Variants in TTC6 observed in about 807,000 individuals in gnomAD.
The protein encoded by TTC6 is tetratricopeptide repeat protein 6.
In TTC6, 172 loss-of-function variants were observed where a neutral mutation model predicts 210.4. The ratio of observed to expected loss-of-function variants is 0.82; its 90% CI spans 0.72 to 0.93. The LOEUF (loss-of-function observed/expected upper bound fraction) is 0.93. TTC6 is among the 40% of genes least tolerant of loss of function. The probability of loss-of-function intolerance (pLI) is 0.00; values close to 1 mark genes in which losing one functional copy is unlikely to be tolerated. For synonymous variants in TTC6, 804 were observed against 819.6 expected (o/e 0.98, Z 0.32); for missense variants, 2,414 against 2,318.1 (o/e 1.04, Z -0.85).
chr14:37,704,372 A>G (rs947677987), intron 5 of TTC6, among the ~76,000 whole-genome samples: 6 of 152,134 alleles, frequency 3.9e-5, no homozygotes, highest in Non-Finnish European at 7.4e-5. Flanking sequence ...TACTATTATA[A>G]CCAAGCTATG....
chr14:37,753,157 G>A (rs2139047814), exon 14 of TTC6: 1 of 1,534,988 alleles, frequency 6.5e-7, no homozygotes, highest in Non-Finnish European at 8.7e-7. Flanking sequence ...CTGTTTTATT[G>A]TGAAAATGAA....
In TTC6 at chr14:37,804,913, C is replaced by T. The variant is rs185315672; in HGVS notation, c.4164+99C>T. 2.5e-4 allele frequency: 327 copies of T among 1,305,714 alleles called. 1 individual carries two copies. The highest frequency in any genetic ancestry group is 2.4e-3 in the East Asian group (104 of 42,986). The allele number at this position is 1,305,714 out of a possible 1,614,324, so 80.9% of individuals were successfully genotyped here. On this transcript the variant is annotated intron_variant, in intron 21 of 30. Coordinates refer to ENST00000553443, the Ensembl canonical transcript of TTC6. ...GAAGGCCACCTATACAGTGGGCAAC[C>T]GGTCCAAAGCTGCTTATGAAGCTTG...
intron 26 of TTC6, among the ~76,000 whole-genome samples, chr14:37,818,522 A>C (rs550856453): frequency 3.6e-4 from 54 of 151,688 alleles, no homozygotes; most frequent in Non-Finnish European, 6.3e-4. Context: ...ATAGTTCCAA[A>C]TTATGTAGAC....
rs1303925566 is a variant in TTC6, at chr14:37,804,602, A to G, written c.4030-78A>G. On this transcript the variant is annotated intron_variant, in intron 20 of 30. Coordinates refer to ENST00000553443, the Ensembl canonical transcript of TTC6. Reference sequence around the variant, plus strand: ...GAGGTGTGTGCTCTGTGCTCCTTTTAACATATAAGGCTGTAACGTTAAATC... The same window carrying G: ...GAGGTGTGTGCTCTGTGCTCCTTTTGACATATAAGGCTGTAACGTTAAATC... The G allele has an allele frequency of 4.6e-6, 7 of 1,536,598 alleles. No individual in the cohort carries two copies. In the Admixed American group the frequency reaches 1.4e-4, roughly 31 times the overall value.
intron 20 of TTC6, among the ~76,000 whole-genome samples, chr14:37,798,154 C>G (rs189780112): frequency 6.6e-6 from 1 of 152,080 alleles, no homozygotes; most frequent in Non-Finnish European, 1.5e-5. Flanking sequence ...CTGCCATATA[C>G]ATGTTAAATT....
chr14:37,612,186 C>T (rs370825611), intron 2 of TTC6, among the ~76,000 whole-genome samples: 3 of 152,120 alleles, frequency 2.0e-5, no homozygotes, highest in African/African-American at 4.8e-5. Flanking sequence ...TCAATATAAC[C>T]GAACCTTTTC....
chr14:37,821,969 C>T (rs916007376), intron 26 of TTC6, among the ~76,000 whole-genome samples: 3 of 151,598 alleles, frequency 2.0e-5, no homozygotes, highest in Non-Finnish European at 4.4e-5. Flanking sequence ...TCAGTAGAGA[C>T]GGGGTGTCAC....
chr14:37,773,360 A>T (rs11156969), intron 14 of TTC6, among the ~76,000 whole-genome samples: 3 of 152,092 alleles, frequency 2.0e-5, no homozygotes, highest in Non-Finnish European at 4.4e-5. Context: ...GTCCAGAATG[A>T]TATTTACTAG....
At chr14:37,738,091 T>C (rs866887920) in intron 9 of TTC6, among the ~76,000 whole-genome samples, 8 of 151,574 alleles carry the variant, frequency 5.3e-5, no homozygotes, top group Non-Finnish European at 1.2e-4. Flanking sequence ...GGAAATGCTA[T>C]ATCAAAGGAT....
chr14:37,804,090 G>T (rs750767650), intron 20 of TTC6, among the ~76,000 whole-genome samples: 2 of 151,940 alleles, frequency 1.3e-5, no homozygotes, highest in Non-Finnish European at 2.9e-5. Context: ...TGAAACTTTT[G>T]ACTATTTTGA....
At chr14:37,700,340 G>C (rs1298945994) in intron 4 of TTC6, among the ~76,000 whole-genome samples, 4 of 152,184 alleles carry the variant, frequency 2.6e-5, no homozygotes, top group African/African-American at 9.6e-5. Context: ...CAGCTTCGTT[G>C]TGGGAATTAG....
At chr14:37,621,540 C>A (rs2095651096), upstream of TTC6, among the ~76,000 whole-genome samples, 4 of 152,106 alleles carry the variant, frequency 2.6e-5, no homozygotes, top group South Asian at 6.2e-4. Context: ...GCCCAGGAGG[C>A]CGAGGCTGCA....
chr14:37,638,898 A>C (rs984053590), intron 1 of TTC6, among the ~76,000 whole-genome samples: 5 of 152,196 alleles, frequency 3.3e-5, no homozygotes, highest in African/African-American at 1.2e-4. Flanking sequence ...ATATGAAAAT[A>C]ATATATTCTC....
chr14:37,628,755 C>A (rs1368214961), intron 1 of TTC6, among the ~76,000 whole-genome samples: 1 of 152,156 alleles, frequency 6.6e-6, no homozygotes. Context: ...ATGTTTAAGT[C>A]TTTAATTCAT....
intron 3 of TTC6, 93 bp downstream of exon 5, chr14:37,683,057 G>A: frequency 9.1e-7 from 1 of 1,093,050 alleles, no homozygotes; most frequent in Non-Finnish European, 1.3e-6. Flanking sequence ...ACCAACGTAT[G>A]GGGCTGGGGG....
intron 2 of TTC6, among the ~76,000 whole-genome samples, chr14:37,608,231 C>T (rs993477796): frequency 2.0e-5 from 3 of 152,002 alleles, no homozygotes; most frequent in Non-Finnish European, 2.9e-5. Flanking sequence ...TTTCAACAAT[C>T]GGTATTTTTA....
chr14:37,824,086 G>C (rs901876662), intron 27 of TTC6, 129 bp downstream of exon 29: 3 of 904,362 alleles, frequency 3.3e-6, no homozygotes, highest in Non-Finnish European at 5.0e-6. Flanking sequence ...TTACTTTTAG[G>C]TTCCAGAGTA....
At chr14:37,635,981 CAA>C (rs71433909) in intron 1 of TTC6, among the ~76,000 whole-genome samples, 18,782 of 69,708 alleles carry the variant, frequency 0.27, 937 homozygotes, top group South Asian at 0.34. Context: ...ATTCCATTTC[CAA>C]AAAAAAAAAA....
Position 37,668,201 on chromosome 14 carries a change from G to T in TTC6, c.940-11950G>T, listed in dbSNP as rs139622834. 1.1e-3 allele frequency among the ~76,000 whole-genome samples: 162 copies of T among 150,346 alleles called. 2 individuals are homozygous for T. In the East Asian group the frequency reaches 0.03, roughly 28 times the overall value. On this transcript the variant is annotated intron_variant, in intron 1 of 30. Transcript: ENST00000553443. ...ATAGTCGAATTCCAAACCGTAGATA[G>T]CATAGAGGGTTCTTCATAATTTGAC...
Sources: gnomAD v4.1 joint callset for allele counts (sites outside exome capture counted in the v4.1 genomes callset) on GRCh38, gnomAD v4.1.1 for gene constraint, MANE v1.5 for transcripts, NCBI Gene and HGNC (gene_info 2026-07-23, HGNC 2026-07-21) for gene names.